Variants in GRB14 observed in about 807,000 individuals in gnomAD.
GRB14 encodes the protein growth factor receptor-bound protein 14.
Under a neutral mutation model 69.1 loss-of-function variants are expected in GRB14, and 38 were observed. That is an observed-to-expected ratio of 0.55 (90% CI 0.42 to 0.72). The LOEUF (loss-of-function observed/expected upper bound fraction) is 0.72. Ranked by LOEUF, GRB14 falls within the 30% of genes least tolerant of loss-of-function variation. GRB14 has a pLI of 0.00. For synonymous variants in GRB14, 247 were observed against 241.3 expected, an observed-to-expected ratio of 1.02 and a Z score of -0.22; for missense variants, 666 against 666.1, an observed-to-expected ratio of 1.00 and a Z score of 0.00.
At chr2:164,585,021 C>T (rs1178695482) in intron 2 of GRB14, among the ~76,000 whole-genome samples, 1 of 144,486 alleles carries the variant, frequency 6.9e-6, no homozygotes, top group African/African-American at 2.5e-5. Flanking sequence ...GGCTCAACTG[C>T]AACTTCCTCC....
intron 2 of GRB14, among the ~76,000 whole-genome samples, chr2:164,592,962 T>G (rs1480364040): frequency 6.6e-6 from 1 of 152,240 alleles, no homozygotes; most frequent in Non-Finnish European, 1.5e-5. Context: ...TTAATCAACA[T>G]GTAGTTGCAA....
intron 2 of GRB14, among the ~76,000 whole-genome samples, chr2:164,607,657 T>A (rs140331349): frequency 1.4e-3 from 211 of 152,300 alleles, no homozygotes; most frequent in African/African-American, 4.8e-3. Flanking sequence ...TTAGAAACCA[T>A]CTGACTTGAT....
At chr2:164,499,542 G>T (rs1401853156) in intron 9 of GRB14, among the ~76,000 whole-genome samples, 1 of 152,014 alleles carries the variant, frequency 6.6e-6, no homozygotes, top group Non-Finnish European at 1.5e-5. Flanking sequence ...TTCAGAATTG[G>T]TTATATTTCT....
At position 164,529,826 on chromosome 2, in the gene GRB14, G is replaced by T. The variant is rs116475111; in HGVS notation, c.482-2691C>A. 2.7e-3 allele frequency among the ~76,000 whole-genome samples: 405 copies of T among 152,280 alleles called. 1 individual carries two copies. The highest frequency in any genetic ancestry group is 9.4e-3 in the African/African-American group (389 of 41,560). Reference sequence around the variant, plus strand: ...AATGTGAACCCTGCCCAAAAAGCTTGTCTGCTTCTGCCTGTTATAGATAAA... The same window carrying T: ...AATGTGAACCCTGCCCAAAAAGCTTTTCTGCTTCTGCCTGTTATAGATAAA... On this transcript the variant is annotated intron_variant, in intron 3 of 13. Coordinates refer to ENST00000263915, the MANE Select transcript of GRB14 (RefSeq NM_004490.3).
At chr2:164,602,166 A>G (rs1574348119) in intron 2 of GRB14, among the ~76,000 whole-genome samples, 2 of 146,620 alleles carry the variant, frequency 1.4e-5, no homozygotes, top group East Asian at 2.0e-4. Context: ...GGAAGGGAAG[A>G]GAAGGGAAGA....
intron 2 of GRB14, among the ~76,000 whole-genome samples, chr2:164,593,574 A>G (rs979234862): frequency 1.5e-4 from 23 of 152,326 alleles, no homozygotes; most frequent in Non-Finnish European, 2.5e-4. Flanking sequence ...AGTTAGGTAC[A>G]CCACCACAAA....
chr2:164,493,273 A>T, intron 13 of GRB14, 91 bp from the exon 14 acceptor site: 2 of 1,189,004 alleles, frequency 1.7e-6, no homozygotes, highest in Non-Finnish European at 2.3e-6. Context: ...ACATGCCAAA[A>T]CTGCCAAGTT....
At chr2:164,506,723 A>G (rs544798364) in intron 8 of GRB14, among the ~76,000 whole-genome samples, 1 of 152,200 alleles carries the variant, frequency 6.6e-6, no homozygotes, top group East Asian at 1.9e-4. Flanking sequence ...CAGTGAAAAA[A>G]TGGATAAACT....
intron 2 of GRB14, among the ~76,000 whole-genome samples, chr2:164,608,162 A>G (rs1690083306): frequency 6.6e-6 from 1 of 152,184 alleles, no homozygotes; most frequent in Non-Finnish European, 1.5e-5. Context: ...AACTGAGGTC[A>G]GGAGTTCAAG....
At chr2:164,610,042 C>T (rs1040423760) in intron 2 of GRB14, among the ~76,000 whole-genome samples, 3 of 152,102 alleles carry the variant, frequency 2.0e-5, no homozygotes, top group Non-Finnish European at 4.4e-5. Flanking sequence ...GGGTAATGCA[C>T]CAAGAGGAGC....
Position 164,621,394 on chromosome 2 carries a change from C to G in GRB14, c.-85G>C. The G allele has an allele frequency of 1.8e-6, 2 of 1,108,384 alleles. No homozygotes were observed. Among genetic ancestry groups the G allele is most frequent in the Non-Finnish European group, 2.3e-6 (2 of 875,566 alleles). The allele number at this position is 1,108,384 out of a possible 1,614,324, so 68.7% of individuals were successfully genotyped here. On this transcript the variant is annotated 5_prime_UTR_variant, in exon 1 of 14. Coordinates refer to ENST00000263915, the MANE Select transcript of GRB14 (RefSeq NM_004490.3). The surrounding 1 kb of genome is among the most constrained non-coding windows in gnomAD (Gnocchi z 6.0). The stretch of plus-strand genomic sequence containing the variant: ...TGCGCGGCGGGAGGCGAGGTGCCGG[C>G]TAGGCAGCCCGAGCGCTCTGCAGGT...
intron 3 of GRB14, among the ~76,000 whole-genome samples, chr2:164,538,097 C>T (rs1688127587): frequency 6.6e-6 from 1 of 152,034 alleles, no homozygotes; most frequent in African/African-American, 2.4e-5. Flanking sequence ...AAGGCGATCA[C>T]GTGGGCATAG....
chr2:164,527,508 C>T (rs1434014651), intron 3 of GRB14, among the ~76,000 whole-genome samples: 2 of 151,638 alleles, frequency 1.3e-5, no homozygotes, highest in African/African-American at 4.8e-5. Context: ...TTCTCTGACT[C>T]ATCATGGTGC....
intron 13 of GRB14, 135 bp from the exon 14 acceptor site, chr2:164,493,317 G>C (rs557175502): frequency 2.9e-6 from 2 of 700,342 alleles, no homozygotes; most frequent in East Asian, 5.8e-5. Flanking sequence ...AGAATGTTAC[G>C]GCATATCTAC....
At chr2:164,620,841 G>A (rs1019591648) in intron 1 of GRB14, among the ~76,000 whole-genome samples, 9 of 152,152 alleles carry the variant, frequency 5.9e-5, no homozygotes, top group African/African-American at 1.7e-4. Context: ...GGAACAGAAG[G>A]TGATCAGCCT....
intron 2 of GRB14, among the ~76,000 whole-genome samples, chr2:164,555,340 G>C (rs748622610): frequency 1.3e-5 from 2 of 152,204 alleles, no homozygotes; most frequent in African/African-American, 4.8e-5. Flanking sequence ...TTATGCCATA[G>C]GTTTGCCCCA....
At chr2:164,597,677 G>C (rs963050433) in intron 2 of GRB14, among the ~76,000 whole-genome samples, 1 of 152,008 alleles carries the variant, frequency 6.6e-6, no homozygotes, top group Non-Finnish European at 1.5e-5. Flanking sequence ...GGGATGCAAG[G>C]ACAGGAGGAG....
chr2:164,546,549 A>T (rs955699676), intron 3 of GRB14, among the ~76,000 whole-genome samples: 5 of 152,180 alleles, frequency 3.3e-5, no homozygotes, highest in Non-Finnish European at 5.9e-5. Flanking sequence ...AAAGCTCCAG[A>T]TGGTAAGAGA....
chr2:164,571,425 G>A (rs560922877), intron 2 of GRB14, among the ~76,000 whole-genome samples: 1 of 152,224 alleles, frequency 6.6e-6, no homozygotes, highest in South Asian at 2.1e-4. Context: ...CTCCAAAAAC[G>A]AAACTAACAT....
Sources: gnomAD v4.1 joint callset for allele counts (sites outside exome capture counted in the v4.1 genomes callset) on GRCh38, gnomAD v4.1.1 for gene constraint, Gnocchi (gnomAD v3.1) non-coding constraint, MANE v1.5 for transcripts, NCBI Gene and HGNC (gene_info 2026-07-23, HGNC 2026-07-21) for gene names.